DLG2: variants seen among roughly 807,000 people sequenced by gnomAD.
DLG2 encodes disks large homolog 2.
In DLG2, 45 loss-of-function variants were observed where a neutral mutation model predicts 132.5. The ratio of observed to expected loss-of-function variants is 0.34; its 90% confidence interval spans 0.27 to 0.44. The LOEUF (loss-of-function observed/expected upper bound fraction) is 0.44, where lower values mean the gene tolerates loss of function less well. Ranked by LOEUF, DLG2 falls within the 20% of genes least tolerant of loss-of-function variation. The pLI is 1.00. For synonymous variants in DLG2, 424 were observed against 419.6 expected (o/e 1.01, Z -0.13); for missense variants, 1,045 against 1,196.9 (o/e 0.87, Z 1.87).
At chr11:85,400,790 G>A (rs1004110976) in intron 3 of DLG2, among the ~76,000 whole-genome samples, 1 of 151,772 alleles carries the variant, frequency 6.6e-6, no homozygotes, top group Admixed American at 6.6e-5. Context: ...TGTGGGGTGG[G>A]GGGAGAGGGG....
rs1335677878 is a variant in DLG2, at chr11:83,962,741, A to G, written c.1340+144T>C. 4 of 984,546 alleles carry G rather than the reference A, an allele frequency of 4.1e-6. No individual in the cohort carries two copies. The East Asian group carries it at 9.7e-5, about 24-fold the overall frequency. 61.0% of individuals were successfully genotyped at this position (984,546 alleles called of 1,614,324 possible). On this transcript the variant is annotated intron_variant, in intron 14 of 27. Coordinates refer to ENST00000376104, the MANE Select transcript of DLG2 (RefSeq NM_001142699.3). ...ATCAGAGGACAATGACACAGTTGCA[A>G]TGCACCTGAGGCAAAACTACAATAA...
chr11:85,459,463 T>A (rs186140737), intron 3 of DLG2, among the ~76,000 whole-genome samples: 19 of 152,230 alleles, frequency 1.2e-4, no homozygotes, highest in Admixed American at 1.2e-3. Flanking sequence ...ACCATTGCTG[T>A]GGCAGTGGCA....
chr11:84,252,540 CT>C (rs926911891), intron 7 of DLG2, among the ~76,000 whole-genome samples: 3 of 151,842 alleles, frequency 2.0e-5, no homozygotes, highest in Admixed American at 2.0e-4. Flanking sequence ...GTTCAACTTT[CT>C]TTTTTTTAAA....
chr11:85,350,421 C>A (rs924913707), intron 3 of DLG2, among the ~76,000 whole-genome samples: 7 of 152,158 alleles, frequency 4.6e-5, no homozygotes, highest in Non-Finnish European at 1.0e-4. Flanking sequence ...AATTAGATCC[C>A]ATTTGTCAAT....
At chr11:85,133,371 T>C (rs1248202451) in intron 5 of DLG2, among the ~76,000 whole-genome samples, 1 of 152,158 alleles carries the variant, frequency 6.6e-6, no homozygotes, top group Non-Finnish European at 1.5e-5. Flanking sequence ...ATGAGCATGA[T>C]TGCCGGGAGT....
intron 6 of DLG2, among the ~76,000 whole-genome samples, chr11:84,577,268 G>A (rs771622644): frequency 6.6e-6 from 1 of 152,138 alleles, no homozygotes; most frequent in African/African-American, 2.4e-5. Flanking sequence ...AACAGAAGTG[G>A]GATGTTGCTG....
chr11:84,207,907 C>A (rs992984827), intron 8 of DLG2, among the ~76,000 whole-genome samples: 1 of 152,012 alleles, frequency 6.6e-6, no homozygotes, highest in Non-Finnish European at 1.5e-5. Flanking sequence ...ATATACAAAA[C>A]AATTTTCATA....
intron 3 of DLG2, among the ~76,000 whole-genome samples, chr11:85,513,584 T>C (rs1247716764): frequency 6.6e-6 from 1 of 151,978 alleles, no homozygotes; most frequent in Non-Finnish European, 1.5e-5. Context: ...TATCTTTCAC[T>C]AGTATATCTT....
intron 6 of DLG2, among the ~76,000 whole-genome samples, chr11:84,861,811 C>G (rs1398972311): frequency 6.6e-6 from 1 of 151,890 alleles, no homozygotes; most frequent in Non-Finnish European, 1.5e-5. Context: ...TGAACAGACA[C>G]TTCTCAAAAG....
At chr11:83,685,654 A>C (rs1204114608) in intron 18 of DLG2, among the ~76,000 whole-genome samples, 1 of 152,066 alleles carries the variant, frequency 6.6e-6, no homozygotes, top group Non-Finnish European at 1.5e-5. Flanking sequence ...ATCCGGTATC[A>C]AGACTAAAAT....
intron 8 of DLG2, among the ~76,000 whole-genome samples, chr11:84,200,905 G>C (rs1221601158): frequency 6.6e-6 from 1 of 152,134 alleles, no homozygotes; most frequent in Non-Finnish European, 1.5e-5. Context: ...AAGATGGTTT[G>C]ACTTCCTCTC....
At chr11:85,015,412 T>TA (rs5793152) in intron 6 of DLG2, among the ~76,000 whole-genome samples, 206 of 141,582 alleles carry the variant, frequency 1.5e-3, no homozygotes, top group South Asian at 2.9e-3. Context: ...CAGTGTTATT[T>TA]AAAAAAAAAA....
chr11:84,807,694 T>G (rs1019817040), intron 6 of DLG2, among the ~76,000 whole-genome samples: 1 of 152,120 alleles, frequency 6.6e-6, no homozygotes, highest in African/African-American at 2.4e-5. Flanking sequence ...ATTTTTAAAG[T>G]AGAATTATCT....
chr11:84,004,017 A>C (rs1454485921), intron 11 of DLG2, among the ~76,000 whole-genome samples: 2 of 152,176 alleles, frequency 1.3e-5, no homozygotes, highest in Admixed American at 6.5e-5. Context: ...CACACATAAA[A>C]AGAACTAAAA....
intron 3 of DLG2, among the ~76,000 whole-genome samples, chr11:85,423,330 G>A (rs1210694972): frequency 1.3e-5 from 2 of 152,216 alleles, no homozygotes; most frequent in Admixed American, 6.5e-5. Context: ...TCCAGTGGAG[G>A]TGGCAGGTGG....
At chr11:84,560,798 G>T (rs112930201) in intron 6 of DLG2, among the ~76,000 whole-genome samples, 4 of 152,172 alleles carry the variant, frequency 2.6e-5, no homozygotes, top group African/African-American at 9.6e-5. Flanking sequence ...CAAGAGGTCT[G>T]AGTGCCACCC....
intron 11 of DLG2, among the ~76,000 whole-genome samples, chr11:84,049,416 T>G (rs1184503552): frequency 6.6e-6 from 1 of 151,742 alleles, no homozygotes; most frequent in Non-Finnish European, 1.5e-5. Flanking sequence ...AAAGGTAAGG[T>G]GCCAAAACAT....
chr11:84,149,554 C>T (rs1006127066), intron 9 of DLG2, among the ~76,000 whole-genome samples: 1 of 151,994 alleles, frequency 6.6e-6, no homozygotes, highest in Non-Finnish European at 1.5e-5. Context: ...TCTGGGTTCT[C>T]TATGCTGTTT....
At chr11:83,813,952 C>A (rs189254526) in intron 17 of DLG2, among the ~76,000 whole-genome samples, 47 of 152,070 alleles carry the variant, frequency 3.1e-4, no homozygotes, top group African/African-American at 1.0e-3. Context: ...AATAAATTGC[C>A]GAAATTCACA....
Sources: allele counts gnomAD v4.1 joint callset (sites outside exome capture counted in the v4.1 genomes callset), GRCh38; gene constraint gnomAD v4.1.1; transcripts MANE v1.5; gene names NCBI Gene and HGNC (gene_info 2026-07-23, HGNC 2026-07-21).